OXSR1: variants seen among roughly 807,000 people sequenced by gnomAD.
The protein encoded by OXSR1 is serine/threonine-protein kinase OSR1.
In OXSR1, 24 loss-of-function variants were observed where a neutral mutation model predicts 79.8. That is an observed-to-expected ratio of 0.30 (90% CI 0.22 to 0.42). OXSR1 has a LOEUF of 0.42. OXSR1 is among the 10% of genes least tolerant of loss of function. The pLI is 1.00. For missense variants in OXSR1, 430 were observed against 618.4 expected (o/e 0.70, Z 3.23); for synonymous variants, 226 against 209.2 (o/e 1.08, Z -0.69).
intron 11 of OXSR1, among the ~76,000 whole-genome samples, chr3:38,241,026 A>G (rs946986389): frequency 6.6e-6 from 1 of 152,156 alleles, no homozygotes; most frequent in African/African-American, 2.4e-5. Flanking sequence ...TATAGGGGGA[A>G]GTTTTGATAA....
intron 4 of OXSR1, among the ~76,000 whole-genome samples, chr3:38,200,609 A>G (rs958332426): frequency 1.2e-4 from 18 of 152,260 alleles, no homozygotes; most frequent in African/African-American, 4.3e-4. Context: ...GACCAGAACT[A>G]GTCCCTGGAT....
intron 4 of OXSR1, among the ~76,000 whole-genome samples, chr3:38,205,272 T>C (rs1251882013): frequency 1.3e-5 from 2 of 152,242 alleles, no homozygotes; most frequent in African/African-American, 2.4e-5. Flanking sequence ...GTTTTGGTTC[T>C]TATGAAGGTG....
intron 10 of OXSR1, chr3:38,230,677 C>CT: frequency 2.7e-6 from 1 of 368,230 alleles, no homozygotes; most frequent in South Asian, 3.4e-5. Context: ...ATTCTAAACT[C>CT]TGTTTGATAA....
chr3:38,165,991 C>CGGGGGACACGGGAACGTG, intron 1 of OXSR1, 45 bp downstream of exon 1: 2 of 1,536,208 alleles, frequency 1.3e-6, no homozygotes, highest in Non-Finnish European at 1.8e-6. Flanking sequence ...CGCTGGGAGG[C>CGGGGGACACGGGAACGTG]GGGGGACACG....
chr3:38,194,524 T>TG (rs1007015577), intron 3 of OXSR1, among the ~76,000 whole-genome samples: 1 of 152,020 alleles, frequency 6.6e-6, no homozygotes, highest in Non-Finnish European at 1.5e-5. Flanking sequence ...GGTGACAGAG[T>TG]GAGACTCTGT....
At chr3:38,213,325 G>A (rs565389347) in intron 4 of OXSR1, among the ~76,000 whole-genome samples, 4 of 151,992 alleles carry the variant, frequency 2.6e-5, no homozygotes, top group African/African-American at 9.6e-5. Context: ...ATCTAACCAT[G>A]AAAAAAACAT....
Position 38,230,447 on chromosome 3 carries a change from C to A in OXSR1, c.951+17C>A. 1.3e-6 allele frequency: 2 copies of A among 1,524,188 alleles called. No individual in the cohort carries two copies. Among genetic ancestry groups the A allele is most frequent in the Non-Finnish European group, 9.1e-7 (1 of 1,100,254 alleles). The allele number at this position is 1,524,188 out of a possible 1,614,324, so 94.4% of individuals were successfully genotyped here. A position where few individuals can be genotyped will look rare whatever the true frequency, so the allele number is the denominator to read the frequency against. On this transcript the variant is annotated intron_variant, in intron 10 of 17. Transcript: ENST00000311806. ...GCAAAAAAGGTAAATCAGAATTTAACTCAGTTTTCCTGAAGAATTTACTTT... is the reference window on the plus strand; with the variant it reads ...GCAAAAAAGGTAAATCAGAATTTAAATCAGTTTTCCTGAAGAATTTACTTT...
intron 11 of OXSR1, among the ~76,000 whole-genome samples, chr3:38,242,161 G>C (rs902149047): frequency 3.6e-4 from 55 of 152,244 alleles, no homozygotes; most frequent in African/African-American, 1.3e-3. Context: ...TCAAGTATCA[G>C]TTTATTTCCA....
chr3:38,172,631 T>TA (rs1297185279), intron 1 of OXSR1, among the ~76,000 whole-genome samples: 1 of 152,160 alleles, frequency 6.6e-6, no homozygotes, highest in Non-Finnish European at 1.5e-5. Context: ...TCCAGGGCCT[T>TA]ACCTTTAGCG....
rs983456307 is a variant in OXSR1, at chr3:38,252,624, A to G, written c.1510-193A>G. 2.6e-5 allele frequency among the ~76,000 whole-genome samples: 4 copies of G among 152,088 alleles called. 1 individual carries two copies. Among genetic ancestry groups the G allele is most frequent in the Non-Finnish European group, 4.4e-5 (3 of 68,002 alleles). On this transcript the variant is annotated intron_variant, in intron 17 of 17. Coordinates refer to ENST00000311806, the MANE Select transcript of OXSR1 (RefSeq NM_005109.3). The stretch of plus-strand genomic sequence containing the variant: ...CCCTTGGCTATTCATAAGAGAAACT[A>G]TTAGCCAGTCTGACTCTAGCTGTTT...
At chr3:38,212,231 T>G (rs571906067) in intron 4 of OXSR1, among the ~76,000 whole-genome samples, 1 of 152,216 alleles carries the variant, frequency 6.6e-6, no homozygotes, top group African/African-American at 2.4e-5. Context: ...AGTTGTTTCA[T>G]TGGGAAGCAG....
chr3:38,194,808 A>G (rs1012781443), intron 3 of OXSR1, among the ~76,000 whole-genome samples: 1 of 152,168 alleles, frequency 6.6e-6, no homozygotes, highest in African/African-American at 2.4e-5. Context: ...TAACAGAAAT[A>G]TGTATAGGGT....
intron 1 of OXSR1, among the ~76,000 whole-genome samples, chr3:38,177,349 G>A (rs9854977): frequency 6.6e-6 from 1 of 152,150 alleles, no homozygotes; most frequent in Non-Finnish European, 1.5e-5. Flanking sequence ...GGAACTTAAT[G>A]GCAAACACTA....
chr3:38,205,553 T>C (rs1702250142), intron 4 of OXSR1, among the ~76,000 whole-genome samples: 1 of 152,204 alleles, frequency 6.6e-6, no homozygotes, highest in Non-Finnish European at 1.5e-5. Flanking sequence ...GCCAAGAATA[T>C]GTTCGTCTCT....
chr3:38,192,136 C>A (rs1397091910), intron 3 of OXSR1, among the ~76,000 whole-genome samples: 2 of 151,940 alleles, frequency 1.3e-5, no homozygotes, highest in East Asian at 3.9e-4. Flanking sequence ...TATTATAGAC[C>A]CAAGGATTTT....
At chr3:38,171,750 G>T (rs1701586588) in intron 1 of OXSR1, among the ~76,000 whole-genome samples, 1 of 151,832 alleles carries the variant, frequency 6.6e-6, no homozygotes, top group African/African-American at 2.4e-5. Context: ...ATGTGTAAAA[G>T]ATGTTAGTAT....
At chr3:38,206,188 G>GA (rs1480969680) in intron 4 of OXSR1, among the ~76,000 whole-genome samples, 1 of 151,984 alleles carries the variant, frequency 6.6e-6, no homozygotes, top group Admixed American at 6.6e-5. Context: ...CTTTGCTGGT[G>GA]AAAAAAAGAG....
intron 1 of OXSR1, among the ~76,000 whole-genome samples, chr3:38,167,086 G>T (rs1003805635): frequency 3.3e-5 from 5 of 152,198 alleles, no homozygotes; most frequent in African/African-American, 1.2e-4. Context: ...AGAGAGGGAA[G>T]GGAGGAGCCA....
chr3:38,237,581 A>G (rs1287732121), intron 11 of OXSR1, among the ~76,000 whole-genome samples: 8 of 152,262 alleles, frequency 5.3e-5, no homozygotes, highest in African/African-American at 1.7e-4. Context: ...TAGTGAGTAT[A>G]CTGGTATATT....
Sources: allele counts gnomAD v4.1 joint callset (sites outside exome capture counted in the v4.1 genomes callset), GRCh38; gene constraint gnomAD v4.1.1; transcripts MANE v1.5; gene names NCBI Gene and HGNC (gene_info 2026-07-23, HGNC 2026-07-21).